Variants in SPATA45 observed in about 807,000 individuals in gnomAD.
SPATA45 encodes spermatogenesis associated 45.
Under a neutral mutation model 7.0 loss-of-function variants are expected in SPATA45, and 5 were observed. That is an observed-to-expected ratio of 0.71 (90% CI 0.37 to 1.50). SPATA45 has a LOEUF of 1.50. Among genes scored for constraint, SPATA45 ranks in the 40% most tolerant of loss-of-function variants. The probability of loss-of-function intolerance (pLI) is 0.03; values close to 1 mark genes in which losing one functional copy is unlikely to be tolerated. For synonymous variants in SPATA45, 40 were observed against 38.7 expected (o/e 1.03, Z -0.13); for missense variants, 111 against 114.9 (o/e 0.97, Z 0.16).
chr1:212,832,498 C>A (rs1663508343), intron 2 of SPATA45, among the ~76,000 whole-genome samples: 2 of 150,698 alleles, frequency 1.3e-5, no homozygotes, highest in Admixed American at 6.7e-5. Context: ...CATGAGCCAG[C>A]ACACCAAAAC....
At position 212,835,952 on chromosome 1, in the gene SPATA45, A is replaced by C. The variant is rs779256997; in HGVS notation, c.198T>G (p.Pro66=). 1 of 1,610,548 alleles carries C rather than the reference A, an allele frequency of 6.2e-7. No individual in the cohort carries two copies. Among genetic ancestry groups the C allele is most frequent in the East Asian group, 2.2e-5 (1 of 44,828 alleles). ...QSFTDTTTKE[P]VPNSGRSSWI... ...AGGAGCTCCTGCCACTGTTGGGAAC[A>C]GGCTCTTTGGTTGTGGTATCAGTAA... Residue 66 remains proline, a synonymous_variant, in exon 2 of 3, where the codon CCT becomes CCG. Transcript: ENST00000332912.
intron 1 of SPATA45, among the ~76,000 whole-genome samples, chr1:212,836,651 T>A (rs947825968): frequency 7.4e-5 from 11 of 149,248 alleles, no homozygotes; most frequent in African/African-American, 2.2e-4. Flanking sequence ...ACTTTTTTTT[T>A]ATTTTTTTAT....
chr1:212,831,947 C>G (rs188492605), intron 2 of SPATA45, among the ~76,000 whole-genome samples: 4 of 150,980 alleles, frequency 2.6e-5, no homozygotes, highest in African/African-American at 9.7e-5. Flanking sequence ...TCCTATCCCC[C>G]ACCCTGCTGT....
At chr1:212,840,491 T>C (rs183473528) in intron 1 of SPATA45, among the ~76,000 whole-genome samples, 5 of 152,284 alleles carry the variant, frequency 3.3e-5, no homozygotes, top group South Asian at 2.1e-4. Flanking sequence ...AGAGTCTTGC[T>C]CTGTCGTCCA....
intron 2 of SPATA45, among the ~76,000 whole-genome samples, chr1:212,834,856 C>T (rs147668657): frequency 7.2e-5 from 11 of 151,752 alleles, no homozygotes; most frequent in Non-Finnish European, 1.3e-4. Context: ...GAGAAATTGA[C>T]GAGATAGCAG....
intron 1 of SPATA45, among the ~76,000 whole-genome samples, chr1:212,837,695 G>A (rs1218690306): frequency 6.6e-6 from 1 of 151,790 alleles, no homozygotes; most frequent in East Asian, 1.9e-4. Flanking sequence ...CCAACACTTT[G>A]GAAGGCCTAG....
At chr1:212,842,901 A>C (rs1663714886) in intron 1 of SPATA45, among the ~76,000 whole-genome samples, 1 of 151,122 alleles carries the variant, frequency 6.6e-6, no homozygotes. Context: ...ATCCTGGCTA[A>C]CACGGTGAAA....
intron 1 of SPATA45, among the ~76,000 whole-genome samples, chr1:212,845,970 C>T (rs886546929): frequency 6.6e-6 from 1 of 152,168 alleles, no homozygotes; most frequent in African/African-American, 2.4e-5. Flanking sequence ...CAAAAACTCA[C>T]CAACCAAGCA....
rs1663576097 is a variant in SPATA45 at position 212,835,877 on chromosome 1, T to G, written c.273A>C (p.Pro91=). The G allele has an allele frequency of 1.3e-6, 2 of 1,580,492 alleles. No homozygotes were observed. Among genetic ancestry groups the G allele is most frequent in the East Asian group, 2.2e-5 (1 of 44,692 alleles). The change falls in exon 2 of 3, where the codon CCA becomes CCC. Residue 91 remains proline, a synonymous_variant. Transcript: ENST00000332912. ...LAHMERKHFP[P]KNNAIFG is the part of the protein sequence containing the mutation. ...AATCCTATGATAACTTCTTACTTTT[T>G]GGTGGAAAGTGCTTTCTCTCCATGT...
At chr1:212,832,611 A>G (rs1663510207) in intron 2 of SPATA45, among the ~76,000 whole-genome samples, 4 of 151,576 alleles carry the variant, frequency 2.6e-5, no homozygotes, top group Admixed American at 2.0e-4. Context: ...TGAATGAATA[A>G]AGAGTAAATG....
intron 2 of SPATA45, among the ~76,000 whole-genome samples, chr1:212,834,729 G>A (rs1219347793): frequency 2.0e-5 from 3 of 151,672 alleles, no homozygotes; most frequent in African/African-American, 7.3e-5. Context: ...GGGACTGGAG[G>A]TGTGAGCCAC....
chr1:212,843,259 C>T (rs1663725347), intron 1 of SPATA45, among the ~76,000 whole-genome samples: 2 of 151,220 alleles, frequency 1.3e-5, no homozygotes, highest in Non-Finnish European at 2.9e-5. Flanking sequence ...CATTGCACTC[C>T]AGCCTGGGCA....
chr1:212,837,557 C>T (rs573541687), intron 1 of SPATA45, among the ~76,000 whole-genome samples: 5 of 151,658 alleles, frequency 3.3e-5, no homozygotes, highest in Admixed American at 1.3e-4. Context: ...CGCTTGAACC[C>T]GGGAGGCAGA....
intron 1 of SPATA45, among the ~76,000 whole-genome samples, chr1:212,839,700 G>A (rs1430683629): frequency 1.3e-5 from 2 of 151,526 alleles, no homozygotes; most frequent in African/African-American, 4.8e-5. Flanking sequence ...ATGGGGAAAG[G>A]TAGGCAGCAA....
At chr1:212,844,090 G>A (rs1663743311) in intron 1 of SPATA45, among the ~76,000 whole-genome samples, 1 of 152,108 alleles carries the variant, frequency 6.6e-6, no homozygotes, top group African/African-American at 2.4e-5. Context: ...CAAAGTGCAG[G>A]GCTGTGTGGT....
intron 1 of SPATA45, among the ~76,000 whole-genome samples, chr1:212,836,860 T>C (rs2102510093): frequency 6.7e-6 from 1 of 149,046 alleles, no homozygotes; most frequent in Non-Finnish European, 1.5e-5. Context: ...GGTGTCACCA[T>C]ATTGGCCAGG....
chr1:212,842,729 T>C (rs1204767199), intron 1 of SPATA45, among the ~76,000 whole-genome samples: 2 of 152,080 alleles, frequency 1.3e-5, no homozygotes, highest in Non-Finnish European at 2.9e-5. Context: ...TCCCAACACT[T>C]TGGGAGGCCT....
intron 1 of SPATA45, among the ~76,000 whole-genome samples, chr1:212,838,470 G>C (rs7524203): frequency 0.45 from 68,262 of 151,214 alleles, 17,289 homozygotes; most frequent in Non-Finnish European, 0.54. Context: ...TATGCTGCTA[G>C]TGAGAATGTA....
intron 1 of SPATA45, among the ~76,000 whole-genome samples, chr1:212,842,730 T>A (rs549897769): frequency 6.6e-6 from 1 of 152,142 alleles, no homozygotes; most frequent in East Asian, 1.9e-4. Context: ...CCCAACACTT[T>A]GGGAGGCCTA....
Sources: allele counts gnomAD v4.1 joint callset (sites outside exome capture counted in the v4.1 genomes callset), GRCh38; gene constraint gnomAD v4.1.1; transcripts MANE v1.5; gene names NCBI Gene and HGNC (gene_info 2026-07-23, HGNC 2026-07-21).